EPHA5: variants seen among roughly 807,000 people sequenced by gnomAD.
EPHA5 encodes the protein EPH receptor A5.
Under a neutral mutation model 105.0 loss-of-function variants are expected in EPHA5, and 60 were observed. The observed-to-expected ratio is 0.57, with a 90% CI of 0.46 to 0.71. EPHA5 has a LOEUF of 0.71. Among genes scored for constraint, EPHA5 ranks in the 30% least tolerant of loss-of-function variants. EPHA5 has a pLI of 0.00. For synonymous variants in EPHA5, 513 were observed against 449.1 expected, an observed-to-expected ratio of 1.14 and a Z score of -1.80; for missense variants, 1,218 against 1,274.7, an observed-to-expected ratio of 0.96 and a Z score of 0.68.
chr4:65,586,192 T>A (rs1384942948), intron 3 of EPHA5, among the ~76,000 whole-genome samples: 13 of 151,768 alleles, frequency 8.6e-5, no homozygotes, highest in African/African-American at 2.6e-4. Flanking sequence ...AGCATTTGAT[T>A]GCATATATGT....
At chr4:65,498,548 G>A (rs1732169411) in intron 3 of EPHA5, among the ~76,000 whole-genome samples, 1 of 151,798 alleles carries the variant, frequency 6.6e-6, no homozygotes, top group Non-Finnish European at 1.5e-5. Flanking sequence ...TAACCAGAGT[G>A]GTTCCAGTAG....
chr4:65,598,699 G>C (rs1001645045), intron 3 of EPHA5, among the ~76,000 whole-genome samples: 2 of 152,142 alleles, frequency 1.3e-5, no homozygotes, highest in Non-Finnish European at 2.9e-5. Context: ...TCTGTAGAAG[G>C]GATATTGGAG....
At chr4:65,520,273 G>A (rs1457764559) in intron 3 of EPHA5, among the ~76,000 whole-genome samples, 2 of 152,112 alleles carry the variant, frequency 1.3e-5, no homozygotes, top group Non-Finnish European at 2.9e-5. Flanking sequence ...AACAAGCAAT[G>A]GGGAAAGGAT....
intron 5 of EPHA5, among the ~76,000 whole-genome samples, chr4:65,463,092 G>C (rs912895037): frequency 1.3e-5 from 2 of 152,086 alleles, no homozygotes; most frequent in African/African-American, 2.4e-5. Flanking sequence ...CATAAGTATT[G>C]GTCTATATTA....
At chr4:65,443,404 G>T (rs935439596) in intron 5 of EPHA5, among the ~76,000 whole-genome samples, 14 of 151,808 alleles carry the variant, frequency 9.2e-5, no homozygotes, top group African/African-American at 3.4e-4. Context: ...AATATAGGGA[G>T]TTGTTTATAC....
chr4:65,465,918 T>A (rs1050896197), intron 5 of EPHA5, among the ~76,000 whole-genome samples: 1 of 152,248 alleles, frequency 6.6e-6, no homozygotes, highest in Non-Finnish European at 1.5e-5. Flanking sequence ...ACACAATTCT[T>A]GGCATTTGAC....
chr4:65,351,836 T>C (rs1413607299), intron 12 of EPHA5, among the ~76,000 whole-genome samples: 9 of 152,080 alleles, frequency 5.9e-5, no homozygotes, highest in African/African-American at 2.2e-4. Context: ...AAATCTTATG[T>C]AGTTGCCTTT....
intron 3 of EPHA5, among the ~76,000 whole-genome samples, chr4:65,521,666 C>T (rs529992603): frequency 2.0e-5 from 3 of 152,082 alleles, no homozygotes; most frequent in South Asian, 2.1e-4. Flanking sequence ...GTATGCTGAG[C>T]TTGGGAAGCA....
chr4:65,554,541 A>G (rs1259233379), intron 3 of EPHA5, among the ~76,000 whole-genome samples: 1 of 151,346 alleles, frequency 6.6e-6, no homozygotes, highest in Non-Finnish European at 1.5e-5. Context: ...TAAAAACAAA[A>G]ATATAAATAA....
At chr4:65,465,232 T>A (rs1467961780) in intron 5 of EPHA5, among the ~76,000 whole-genome samples, 2 of 151,800 alleles carry the variant, frequency 1.3e-5, no homozygotes, top group Non-Finnish European at 2.9e-5. Context: ...GGTCAGGAGT[T>A]CAAGACCAGC....
At chr4:65,668,685 C>A (rs1314798306) in intron 1 of EPHA5, among the ~76,000 whole-genome samples, 1 of 152,022 alleles carries the variant, frequency 6.6e-6, no homozygotes, top group African/African-American at 2.4e-5. Flanking sequence ...TCTACTCTCC[C>A]AGAAAAAGGC....
At chr4:65,449,441 G>A (rs1224039809) in intron 5 of EPHA5, among the ~76,000 whole-genome samples, 4 of 152,140 alleles carry the variant, frequency 2.6e-5, no homozygotes, top group African/African-American at 9.7e-5. Context: ...TTAATTCTAT[G>A]TATCTGCCAC....
rs1159283816 is a variant in EPHA5, at chr4:65,468,535, T to TTA, written c.1402+21840_1402+21841dup. Among the ~76,000 whole-genome samples, 161 of 124,274 alleles carry TTA rather than the reference T, an allele frequency of 1.3e-3. 2 individuals are homozygous for TTA. The East Asian group carries it at 0.023, about 18-fold the overall frequency. The allele number at this position is 124,274 out of a possible 152,430, so 81.5% of individuals were successfully genotyped here. A position where few individuals can be genotyped will look rare whatever the true frequency, so the allele number is the denominator to read the frequency against. On this transcript the variant is annotated intron_variant, in intron 5 of 16. Transcript: ENST00000613740. ...TACACATATATACAGACACACACCT[T>TTA]TATATATATATATAATATATATATT...
chr4:65,394,052 G>T (rs1202941195), intron 8 of EPHA5, among the ~76,000 whole-genome samples: 1 of 152,106 alleles, frequency 6.6e-6, no homozygotes, highest in African/African-American at 2.4e-5. Context: ...ATTAACCAGG[G>T]TTCACAAAGT....
chr4:65,517,318 T>G (rs1213190407), intron 3 of EPHA5, among the ~76,000 whole-genome samples: 1 of 151,868 alleles, frequency 6.6e-6, no homozygotes, highest in African/African-American at 2.4e-5. Flanking sequence ...TTGCTTGGTA[T>G]GTTTTTATTC....
chr4:65,594,258 C>T (rs977531935), intron 3 of EPHA5, among the ~76,000 whole-genome samples: 1 of 152,056 alleles, frequency 6.6e-6, no homozygotes, highest in East Asian at 1.9e-4. Flanking sequence ...TTATCCAGTG[C>T]ATCTTATTTT....
intron 5 of EPHA5, among the ~76,000 whole-genome samples, chr4:65,452,984 A>G (rs545846669): frequency 6.0e-4 from 91 of 152,258 alleles, no homozygotes; most frequent in Non-Finnish European, 1.3e-3. Flanking sequence ...AGTTTCTAGG[A>G]ACTTCTTTCT....
chr4:65,545,937 A>G (rs1737328531), intron 3 of EPHA5, among the ~76,000 whole-genome samples: 1 of 151,968 alleles, frequency 6.6e-6, no homozygotes, highest in Non-Finnish European at 1.5e-5. Flanking sequence ...TGTCCCATTT[A>G]CTATACTCAG....
intron 3 of EPHA5, among the ~76,000 whole-genome samples, chr4:65,527,326 CT>C (rs1224105699): frequency 5.3e-5 from 8 of 152,136 alleles, no homozygotes; most frequent in African/African-American, 1.9e-4. Flanking sequence ...AAAAATAATG[CT>C]GACAGTAAAA....
Sources: allele counts gnomAD v4.1 joint callset (sites outside exome capture counted in the v4.1 genomes callset), GRCh38; gene constraint gnomAD v4.1.1; transcripts MANE v1.5; gene names NCBI Gene and HGNC (gene_info 2026-07-23, HGNC 2026-07-21).